ZC3H14: variants seen among roughly 807,000 people sequenced by gnomAD.
ZC3H14 encodes the protein zinc finger CCCH domain-containing protein 14.
Under a neutral mutation model 92.4 loss-of-function variants are expected in ZC3H14, and 31 were observed. That is an observed-to-expected ratio of 0.34 (90% CI 0.25 to 0.45). The LOEUF (loss-of-function observed/expected upper bound fraction) is 0.45. Ranked by LOEUF, ZC3H14 falls within the 20% of genes least tolerant of loss-of-function variation. ZC3H14 has a pLI of 1.00. For synonymous variants in ZC3H14, 321 were observed against 300.9 expected (o/e 1.07, Z -0.69); for missense variants, 781 against 897.3 (o/e 0.87, Z 1.66).
chr14:88,617,399 G>A lies in ZC3H14; in HGVS notation c.*5648G>A, dbSNP rs7156054. On this transcript the variant is annotated 3_prime_UTR_variant, in exon 17 of 17. Coordinates refer to ENST00000251038, the MANE Select transcript of ZC3H14 (RefSeq NM_024824.5). ...CGACCTCAGGTGATCACCCCCGCTC[G>A]GCCTCCCAAAGTGCTGGGATTACAG... 54,190 of 152,072 alleles carry A rather than the reference G, an allele frequency of 0.36. 11,403 individuals are homozygous for A. The highest frequency in any genetic ancestry group is 0.48 in the Middle Eastern group (142 of 294). The allele number at this position is 152,072 out of a possible 1,614,324, so 9.4% of individuals were successfully genotyped here. A position where few individuals can be genotyped will look rare whatever the true frequency, so the allele number is the denominator to read the frequency against.
At position 88,611,895 on chromosome 14, in the gene ZC3H14, G is replaced by A; in HGVS notation, c.*144G>A. On this transcript the variant is annotated 3_prime_UTR_variant, in exon 17 of 17. Coordinates refer to ENST00000251038, the MANE Select transcript of ZC3H14 (RefSeq NM_024824.5). ...AAGTTTTATTGCCTATCTATCTGAA[G>A]TGTCTAATTTTTCAAGTTTGTAAGT... is the stretch of plus-strand genomic sequence containing the variant. 8.8e-7 allele frequency: 1 copy of A among 1,141,036 alleles called. No individual in the cohort carries two copies. Among genetic ancestry groups the A allele is most frequent in the Non-Finnish European group, 1.3e-6 (1 of 794,486 alleles). 70.7% of individuals were successfully genotyped at this position (1,141,036 alleles called of 1,614,324 possible).
rs914906680 is a variant in ZC3H14, at chr14:88,623,142, A to G, written c.*11391A>G. 1 of 151,952 alleles carries G rather than the reference A, an allele frequency of 6.6e-6. No homozygotes were observed. Among genetic ancestry groups the G allele is most frequent in the Non-Finnish European group, 1.5e-5 (1 of 68,490 alleles). 9.4% of individuals were successfully genotyped at this position (151,952 alleles called of 1,614,324 possible). On this transcript the variant is annotated 3_prime_UTR_variant, in exon 17 of 17. Transcript: ENST00000251038. ...GCGATTCTCCTACCTCAGCCTCCCG[A>G]GTAGCTAGCATTACAGGTGTGCACC...
intron 11 of ZC3H14, 60 bp downstream of exon 11, chr14:88,602,143 AT>A (rs2084732953): frequency 6.2e-7 from 1 of 1,608,322 alleles, no homozygotes; most frequent in Admixed American, 1.7e-5. Flanking sequence ...AAGGTTAACC[AT>A]TCGTTTGCAG....
At chr14:88,610,799 G>C (rs758215743) in intron 15 of ZC3H14, 35 bp from the exon 16 acceptor site, 54 of 1,575,978 alleles carry the variant, frequency 3.4e-5, no homozygotes, top group African/African-American at 5.4e-5. Context: ...TATTAGCCTT[G>C]TGGATATTGT....
chr14:88,572,553 T>A, intron 5 of ZC3H14, 25 bp from the exon 6 acceptor site: 1 of 1,613,734 alleles, frequency 6.2e-7, no homozygotes, highest in Non-Finnish European at 8.5e-7. Flanking sequence ...TTGGCTGTAA[T>A]ACATTTTGTT....
rs2083874324 is a variant in ZC3H14 at position 88,596,724 on chromosome 14, T to A, written c.1280-10T>A. 2 of 1,613,366 alleles carry A rather than the reference T, an allele frequency of 1.2e-6. No homozygotes were observed. The highest frequency in any genetic ancestry group is 1.7e-6 in the Non-Finnish European group (2 of 1,179,372). ...GTAAGCTTAGTGAAGTTTTAAAATT[T>A]ATATTCTAGGAACTCAACAGAGGCA... On this transcript the variant is annotated splice_polypyrimidine_tract_variant and intron_variant, in intron 9 of 16. Coordinates refer to ENST00000251038, the MANE Select transcript of ZC3H14 (RefSeq NM_024824.5).
chr14:88,567,575 G>A (rs2079867999), intron 2 of ZC3H14, among the ~76,000 whole-genome samples: 1 of 152,032 alleles, frequency 6.6e-6, no homozygotes, highest in Non-Finnish European at 1.5e-5. Context: ...TTTATTCGAT[G>A]TTGCTACAAG....
intron 13 of ZC3H14, chr14:88,608,391 C>A: frequency 2.3e-6 from 1 of 431,496 alleles, no homozygotes; most frequent in Admixed American, 2.4e-5. Flanking sequence ...TTTTGGCTTT[C>A]AGTTTAGTGT....
chr14:88,577,878 A>G (rs919436886), intron 8 of ZC3H14, 107 bp from the exon 9 acceptor site: 17 of 1,456,544 alleles, frequency 1.2e-5, no homozygotes, highest in Non-Finnish European at 1.4e-5. Context: ...CTGAACTCAT[A>G]TGTCCTAAAC....
Position 88,572,795 on chromosome 14 carries a change from C to A in ZC3H14, c.649C>A (p.Pro217Thr). 6.2e-7 allele frequency: 1 copy of A among 1,614,178 alleles called. No homozygotes were observed. Among genetic ancestry groups the A allele is most frequent in the Non-Finnish European group, 8.5e-7 (1 of 1,180,048 alleles). ...TCGCCCTTCTATTGAAATTTATCGA[C>A]CACCTGCAAGTAGAAATGCAGATAG... ...SSRPSIEIYR[P>T]PASRNADSGV... is the part of the protein sequence containing the mutation. Residue 217 changes from proline (P) to threonine (T), a missense_variant, in exon 6 of 17, where the codon CCA (proline) becomes ACA (threonine). By Grantham distance (38) the Pro-to-Thr change is conservative. This residue lies in a region of ZC3H14 where 454 missense variants were observed against 438.5 expected (regional missense o/e 1.04). Coordinates refer to ENST00000251038, the MANE Select transcript of ZC3H14 (RefSeq NM_024824.5).
At chr14:88,594,617 A>G in intron 9 of ZC3H14, 1 of 1,597,524 alleles carries the variant, frequency 6.3e-7, no homozygotes, top group Non-Finnish European at 8.5e-7. Context: ...AACAGCCTTG[A>G]TCACTGCTTT....
At chr14:88,563,529 C>T (rs1199720204) in intron 1 of ZC3H14, 122 bp from the exon 2 acceptor site, 4 of 1,575,772 alleles carry the variant, frequency 2.5e-6, no homozygotes, top group East Asian at 2.2e-5. Context: ...AGGCTCCTCC[C>T]AGCCCCCGCC....
chr14:88,620,772 C>A lies in ZC3H14; in HGVS notation c.*9021C>A. 2 of 1,598,030 alleles carry A rather than the reference C, an allele frequency of 1.3e-6. No individual in the cohort carries two copies. The highest frequency in any genetic ancestry group is 2.3e-5 in the South Asian group (2 of 87,528). ...CACTAACCTGATATCATGGATTGCA[C>A]ATCTCCTGTCTCTCTTCTTTCCCCA... On this transcript the variant is annotated 3_prime_UTR_variant, in exon 17 of 17. Coordinates refer to ENST00000251038, the MANE Select transcript of ZC3H14 (RefSeq NM_024824.5). The surrounding 1 kb of genome is among the most constrained non-coding windows in gnomAD (Gnocchi z 4.3).
chr14:88,571,213 C>A, intron 4 of ZC3H14, 89 bp downstream of exon 4: 3 of 1,187,546 alleles, frequency 2.5e-6, no homozygotes, highest in Non-Finnish European at 3.5e-6. Context: ...GGGAAAAACC[C>A]ATCAATTTCA....
intron 9 of ZC3H14, chr14:88,594,969 T>C (rs753088272): frequency 1.9e-6 from 3 of 1,613,838 alleles, no homozygotes; most frequent in Non-Finnish European, 2.5e-6. Context: ...AAGCAAAAAT[T>C]TCATCTTTGG....
At chr14:88,583,713 T>C (rs1183979587) in intron 9 of ZC3H14, among the ~76,000 whole-genome samples, 1 of 152,218 alleles carries the variant, frequency 6.6e-6, no homozygotes, top group African/African-American at 2.4e-5. Flanking sequence ...TTTTGAAAAT[T>C]GTTAACACTT....
rs2140421504 is a variant in ZC3H14, at chr14:88,627,443, A to C, written c.*15692A>C. ...TTATAATGCTAATAATGGTTTCATT[A>C]ATTTATCTGTTTTGTGAGGTTACAG... On this transcript the variant is annotated 3_prime_UTR_variant, in exon 17 of 17. Transcript: ENST00000251038. 1.9e-6 allele frequency: 1 copy of C among 530,534 alleles called. No individual in the cohort carries two copies. Among genetic ancestry groups the C allele is most frequent in the Non-Finnish European group, 3.3e-6 (1 of 307,246 alleles). The allele number at this position is 530,534 out of a possible 1,614,324, so 32.9% of individuals were successfully genotyped here. A position where few individuals can be genotyped will look rare whatever the true frequency, so the allele number is the denominator to read the frequency against.
At chr14:88,570,927 A>T (rs2080299394) in intron 3 of ZC3H14, among the ~76,000 whole-genome samples, 157 bp from the exon 4 acceptor site, 1 of 152,194 alleles carries the variant, frequency 6.6e-6, no homozygotes. Flanking sequence ...ACCAGCCTGG[A>T]CAACACAGTG....
chr14:88,568,844 G>C (rs2080027029), intron 3 of ZC3H14, among the ~76,000 whole-genome samples: 1 of 152,122 alleles, frequency 6.6e-6, no homozygotes. Flanking sequence ...GGAATTCTTA[G>C]TATATGTCGG....
Sources: gnomAD v4.1 joint callset for allele counts (sites outside exome capture counted in the v4.1 genomes callset) on GRCh38, gnomAD v4.1.1 for gene constraint, gnomAD v4.1.1 regional missense constraint, Gnocchi (gnomAD v3.1) non-coding constraint, MANE v1.5 for transcripts, NCBI Gene and HGNC (gene_info 2026-07-23, HGNC 2026-07-21) for gene names.